Variants in ARHGEF10L observed in about 807,000 individuals in gnomAD.
ARHGEF10L encodes rho guanine nucleotide exchange factor 10-like protein.
In ARHGEF10L, 69 loss-of-function variants were observed where a neutral mutation model predicts 141.2. The ratio of observed to expected loss-of-function variants is 0.49; its 90% CI spans 0.40 to 0.60. The LOEUF is 0.60. Among genes scored for constraint, ARHGEF10L ranks in the 20% least tolerant of loss-of-function variants. The pLI, the probability that ARHGEF10L is intolerant of heterozygous loss-of-function variation, is 0.00. For missense variants in ARHGEF10L, 1,482 were observed against 1,734.3 expected (o/e 0.85, Z 2.58); for synonymous variants, 711 against 718.5 (o/e 0.99, Z 0.17).
At chr1:17,532,803 C>G in the ARHGEF10L span, among the ~76,000 whole-genome samples, 2 of 152,180 alleles carry the variant, frequency 1.3e-5, no homozygotes, top group East Asian at 3.9e-4. Flanking sequence ...CTATATTGGC[C>G]AGGCTCGTCT....
At chr1:17,534,256 G>A in the ARHGEF10L span, among the ~76,000 whole-genome samples, 1 of 152,012 alleles carries the variant, frequency 6.6e-6, no homozygotes. Flanking sequence ...CGAAGTAGCT[G>A]GGACTACAGG....
intron 1 of ARHGEF10L, among the ~76,000 whole-genome samples, chr1:17,572,178 C>T (rs574483032): frequency 3.3e-5 from 5 of 152,318 alleles, no homozygotes; most frequent in Middle Eastern, 3.4e-3. Flanking sequence ...TCAGTCCACC[C>T]GATGTGGGAG....
intron 25 of ARHGEF10L, among the ~76,000 whole-genome samples, chr1:17,661,374 G>A (rs1311308623): frequency 6.6e-6 from 1 of 152,218 alleles, no homozygotes; most frequent in Non-Finnish European, 1.5e-5. Flanking sequence ...CACCGTACCC[G>A]GCCTTTATGA....
chr1:17,694,133 A>T (rs2102595843), intron 27 of ARHGEF10L: 1 of 152,400 alleles, frequency 6.6e-6, no homozygotes, highest in Non-Finnish European at 1.5e-5. Flanking sequence ...GGGTTGTTTT[A>T]CGTTCATTCA....
intron 26 of ARHGEF10L, among the ~76,000 whole-genome samples, chr1:17,671,768 G>A (rs575169819): frequency 2.6e-5 from 4 of 152,298 alleles, no homozygotes; most frequent in Middle Eastern, 3.4e-3. Flanking sequence ...ACATCCTGGG[G>A]CCGGTTATGG....
rs1340236602 is a variant in ARHGEF10L at position 17,672,443 on chromosome 1, A to G, written c.3009+7848A>G. Among the ~76,000 whole-genome samples the G allele has an allele frequency of 2.6e-5, 4 of 152,084 alleles. No individual in the cohort carries two copies. The East Asian group carries it at 5.8e-4, about 22-fold the overall frequency. ...AATTGGCGTGAGGGTGAAAAGATGC[A>G]CCAGGCCCTCCCAGCGCCCAGGAGC... is the stretch of plus-strand genomic sequence containing the variant. On this transcript the variant is annotated intron_variant, in intron 26 of 28. Coordinates refer to ENST00000361221, the MANE Select transcript of ARHGEF10L (RefSeq NM_018125.4).
intron 27 of ARHGEF10L, among the ~76,000 whole-genome samples, chr1:17,689,548 CT>C (rs1558043266): frequency 1.8e-4 from 1 of 5,698 alleles, no homozygotes; most frequent in Non-Finnish European, 3.8e-4. Context: ...CCCTCCTTCC[CT>C]CCCTCTCTTC....
intron 1 of ARHGEF10L, among the ~76,000 whole-genome samples, chr1:17,570,106 C>T (rs1034065948): frequency 6.6e-6 from 1 of 152,176 alleles, no homozygotes; most frequent in East Asian, 1.9e-4. Flanking sequence ...CGACTTGGGA[C>T]GAGGGATTTC....
chr1:17,670,966 C>T (rs978229736), intron 26 of ARHGEF10L, among the ~76,000 whole-genome samples: 27 of 152,376 alleles, frequency 1.8e-4, no homozygotes, highest in East Asian at 1.2e-3. Flanking sequence ...CTGCTCCAGC[C>T]GAGTCATCCC....
rs536936041 is a variant in ARHGEF10L at position 17,632,562 on chromosome 1, C to G, written c.1730+96C>G. On this transcript the variant is annotated intron_variant, in intron 16 of 28. Coordinates refer to ENST00000361221, the MANE Select transcript of ARHGEF10L (RefSeq NM_018125.4). ...TTGGCCGGCCGCACTACAGTGGGAC[C>G]CCATGTGAGCTTGGTTTAGGCTTCC... The G allele has an allele frequency of 2.6e-6, 4 of 1,513,168 alleles. No individual in the cohort carries two copies. In the South Asian group the frequency reaches 4.7e-5, roughly 18 times the overall value. 93.7% of individuals were successfully genotyped at this position (1,513,168 alleles called of 1,614,324 possible).
In ARHGEF10L at chr1:17,611,533, T is replaced by TATCCATCCATCC. The variant is rs56751222; in HGVS notation, c.610-1491_610-1480dup. On this transcript the variant is annotated intron_variant, in intron 7 of 28. Coordinates refer to ENST00000361221, the MANE Select transcript of ARHGEF10L (RefSeq NM_018125.4). ...ATCACAGGTGCCTCATCTGTCTGTA[T>TATCCATCCATCC]ATCCATCCATCCATCCATCCATCCA... Among the ~76,000 whole-genome samples the TATCCATCCATCC allele has an allele frequency of 3.2e-3, 486 of 150,770 alleles. 6 individuals are homozygous for TATCCATCCATCC. The highest frequency in any genetic ancestry group is 0.012 in the East Asian group (63 of 5,120).
intron 5 of ARHGEF10L, 111 bp downstream of exon 5, chr1:17,602,329 C>A: frequency 1.6e-6 from 2 of 1,280,340 alleles, no homozygotes; most frequent in Non-Finnish European, 2.2e-6. Context: ...AGGGTTCATC[C>A]TCACCGGGGG....
chr1:17,694,935 C>T (rs778684902), intron 27 of ARHGEF10L: 43 of 702,090 alleles, frequency 6.1e-5, no homozygotes, highest in South Asian at 2.8e-4. Flanking sequence ...TTTACACAGG[C>T]GGAAACTGAG....
At chr1:17,694,090 C>T (rs540263107) in intron 27 of ARHGEF10L, 3 of 152,460 alleles carry the variant, frequency 2.0e-5, no homozygotes, top group East Asian at 3.9e-4. Flanking sequence ...GCGATGACAG[C>T]AGGTAGCGCC....
chr1:17,529,148 A>G, the ARHGEF10L span, among the ~76,000 whole-genome samples: 1 of 152,022 alleles, frequency 6.6e-6, no homozygotes, highest in Non-Finnish European at 1.5e-5. Flanking sequence ...GACTACAGGC[A>G]TGCACCACCA....
At chr1:17,612,019 C>G (rs928585809) in intron 7 of ARHGEF10L, among the ~76,000 whole-genome samples, 2 of 151,944 alleles carry the variant, frequency 1.3e-5, no homozygotes, top group African/African-American at 4.8e-5. Flanking sequence ...TCCAGATAGT[C>G]TGTAAGCTGA....
chr1:17,578,249 C>T (rs569828615), intron 1 of ARHGEF10L, among the ~76,000 whole-genome samples: 12 of 152,284 alleles, frequency 7.9e-5, no homozygotes, highest in African/African-American at 2.6e-4. Flanking sequence ...GGAGGGGGCC[C>T]TGTAGCAGGA....
intron 26 of ARHGEF10L, among the ~76,000 whole-genome samples, chr1:17,677,130 C>T (rs1243610028): frequency 6.6e-6 from 1 of 152,144 alleles, no homozygotes; most frequent in Non-Finnish European, 1.5e-5. Flanking sequence ...TGCCTGCGAT[C>T]AGCAGGGCAT....
At chr1:17,678,085 A>G (rs1192916359) in intron 26 of ARHGEF10L, among the ~76,000 whole-genome samples, 6 of 152,094 alleles carry the variant, frequency 3.9e-5, no homozygotes, top group East Asian at 1.9e-4. Flanking sequence ...TCTATGGCTC[A>G]GTCTTCACCG....
Sources: allele counts gnomAD v4.1 joint callset (sites outside exome capture counted in the v4.1 genomes callset), GRCh38; gene constraint gnomAD v4.1.1; transcripts MANE v1.5; gene names NCBI Gene and HGNC (gene_info 2026-07-23, HGNC 2026-07-21).